TRPM1: variants seen among roughly 807,000 people sequenced by gnomAD.
TRPM1 encodes the protein TRPM1-203 APA Isoform, Intron 10.
A neutral mutation model predicts 149.4 loss-of-function variants in TRPM1; 113 were observed. The observed-to-expected ratio is 0.76, with a 90% CI of 0.65 to 0.88. The LOEUF is 0.88. TRPM1 is among the 40% of genes least tolerant of loss of function. The pLI, the probability that TRPM1 is intolerant of heterozygous loss-of-function variation, is 0.00. For missense variants in TRPM1, 1,976 were observed against 2,038.7 expected (o/e 0.97, Z 0.59); for synonymous variants, 741 against 759.5 (o/e 0.98, Z 0.40).
In TRPM1 at chr15:31,070,309, G is replaced by A. The variant is rs2034504747; in HGVS notation, c.84-83C>T. The A allele has an allele frequency of 3.6e-6, 5 of 1,383,258 alleles. No homozygotes were observed. In the Admixed American group the frequency reaches 8.4e-5, roughly 23 times the overall value. The allele number at this position is 1,383,258 out of a possible 1,614,324, so 85.7% of individuals were successfully genotyped here. ...TAGCAAAAATGAATTAACCTCAACA[G>A]GTGAGTTGGGCCCAAACAGGAGCCT... On this transcript the variant is annotated intron_variant, in intron 3 of 27. Transcript: ENST00000256552.
chr15:31,055,531 G>T (rs1302389959), intron 11 of TRPM1, among the ~76,000 whole-genome samples: 1 of 152,184 alleles, frequency 6.6e-6, no homozygotes, highest in East Asian at 1.9e-4. Context: ...GGTCTACAGA[G>T]CAGGAGGCCA....
intron 1 of TRPM1, among the ~76,000 whole-genome samples, chr15:31,151,887 C>T (rs1183179019): frequency 6.6e-6 from 1 of 152,218 alleles, no homozygotes; most frequent in Non-Finnish European, 1.5e-5. Context: ...CCTCAGTGTG[C>T]AGGAACCAGG....
intron 1 of TRPM1, among the ~76,000 whole-genome samples, chr15:31,140,311 G>A (rs949131166): frequency 6.6e-6 from 1 of 151,942 alleles, no homozygotes; most frequent in Non-Finnish European, 1.5e-5. Context: ...CCCAGGAGGC[G>A]GAGCTTGCAG....
intron 27 of TRPM1, among the ~76,000 whole-genome samples, chr15:31,013,674 C>G (rs759884946): frequency 1.3e-5 from 2 of 152,066 alleles, no homozygotes; most frequent in Non-Finnish European, 2.9e-5. Context: ...AAATCAGATT[C>G]TCTCCCCTCT....
intron 11 of TRPM1, 88 bp from the exon 12 acceptor site, chr15:31,050,670 T>C (rs1031348516): frequency 3.6e-5 from 49 of 1,380,224 alleles, no homozygotes; most frequent in Non-Finnish European, 4.9e-5. Flanking sequence ...CACCTCTGTA[T>C]GTGCACACAT....
chr15:31,136,428 A>G (rs1365005381), intron 1 of TRPM1, among the ~76,000 whole-genome samples: 2 of 152,204 alleles, frequency 1.3e-5, no homozygotes, highest in Non-Finnish European at 2.9e-5. Flanking sequence ...TGTTCAAACA[A>G]GCATCTCTTT....
intron 1 of TRPM1, among the ~76,000 whole-genome samples, chr15:31,132,378 T>C (rs578107467): frequency 6.6e-6 from 1 of 152,336 alleles, no homozygotes; most frequent in South Asian, 2.1e-4. Context: ...AGTCCACACA[T>C]GGCTGGACAT....
chr15:31,104,659 T>C (rs1174676966), upstream of TRPM1, among the ~76,000 whole-genome samples: 1 of 139,402 alleles, frequency 7.2e-6, no homozygotes, highest in Non-Finnish European at 1.5e-5. Context: ...AGTGGCGCCA[T>C]CTCGGCTCAC....
intron 1 of TRPM1, among the ~76,000 whole-genome samples, chr15:31,142,889 C>T (rs1199831123): frequency 1.3e-5 from 2 of 152,066 alleles, no homozygotes; most frequent in Non-Finnish European, 2.9e-5. Context: ...CTAAGGTGTG[C>T]CACAATTGTA....
intron 1 of TRPM1, among the ~76,000 whole-genome samples, chr15:31,147,548 A>T (rs921951014): frequency 5.1e-4 from 78 of 152,234 alleles, no homozygotes; most frequent in Non-Finnish European, 8.8e-4. Context: ...GTGGCTACAC[A>T]TCTGAACTGG....
intron 1 of TRPM1, among the ~76,000 whole-genome samples, chr15:31,155,513 G>A (rs965228837): frequency 7.2e-5 from 11 of 152,306 alleles, no homozygotes; most frequent in Non-Finnish European, 7.3e-5. Context: ...CCTGTGGCTC[G>A]CTTGCGAAGT....
chr15:31,147,747 G>T (rs1401236580), intron 1 of TRPM1, among the ~76,000 whole-genome samples: 1 of 152,176 alleles, frequency 6.6e-6, no homozygotes, highest in Non-Finnish European at 1.5e-5. Flanking sequence ...TCATTTGGGG[G>T]AGCATTTCCA....
chr15:31,094,868 C>G (rs2035335043), intron 1 of TRPM1, among the ~76,000 whole-genome samples: 1 of 152,168 alleles, frequency 6.6e-6, no homozygotes, highest in Non-Finnish European at 1.5e-5. Context: ...AATTTTACTG[C>G]TAGGTATATA....
At chr15:31,081,246 C>CT in intron 2 of TRPM1, 107 bp downstream of exon 2, 1 of 754,308 alleles carries the variant, frequency 1.3e-6, no homozygotes, top group East Asian at 2.9e-5. Context: ...CTTCCCTCTG[C>CT]TTCACTGGAA....
At chr15:31,068,744 C>CAAAAAAAAA (rs60411633) in intron 4 of TRPM1, among the ~76,000 whole-genome samples, 6 of 60,206 alleles carry the variant, frequency 1.0e-4, no homozygotes, top group African/African-American at 3.2e-4. Context: ...AACTCCAACT[C>CAAAAAAAAA]AAAAAAAAAA....
chr15:31,046,957 T>TG (rs1428083534), intron 15 of TRPM1, among the ~76,000 whole-genome samples, 154 bp downstream of exon 15: 1 of 152,188 alleles, frequency 6.6e-6, no homozygotes, highest in Non-Finnish European at 1.5e-5. Context: ...GAGAATGCCG[T>TG]GGCTCTGGCC....
intron 1 of TRPM1, among the ~76,000 whole-genome samples, chr15:31,147,791 A>G (rs577364733): frequency 6.6e-6 from 1 of 152,170 alleles, no homozygotes. Context: ...AAAAAAACCT[A>G]TAACTTTTCT....
intron 3 of TRPM1, chr15:31,070,444 T>C (rs766073707): frequency 4.3e-6 from 3 of 704,234 alleles, no homozygotes; most frequent in South Asian, 3.0e-5. Flanking sequence ...TTTAGACACA[T>C]TGGATGGTTG....
intron 27 of TRPM1, among the ~76,000 whole-genome samples, chr15:31,018,049 TTATTA>T (rs2032430946): frequency 6.6e-6 from 1 of 152,050 alleles, no homozygotes; most frequent in South Asian, 2.1e-4. Flanking sequence ...GTTTATTTAT[TTATTA>T]TTTTATTTTA....
Sources: gnomAD v4.1 joint callset for allele counts (sites outside exome capture counted in the v4.1 genomes callset) on GRCh38, gnomAD v4.1.1 for gene constraint, MANE v1.5 for transcripts, NCBI Gene and HGNC (gene_info 2026-07-23, HGNC 2026-07-21) for gene names.